SLCO3A1: variants seen among roughly 807,000 people sequenced by gnomAD.
The protein encoded by SLCO3A1 is solute carrier organic anion transporter family member 3A1, also known as PGE1 transporter.
Under a neutral mutation model 63.1 loss-of-function variants are expected in SLCO3A1, and 27 were observed. The ratio of observed to expected loss-of-function variants is 0.43; its 90% CI spans 0.32 to 0.59. The LOEUF (loss-of-function observed/expected upper bound fraction) is 0.59, where lower values mean the gene tolerates loss of function less well. SLCO3A1 is among the 20% of genes least tolerant of loss of function. The probability of loss-of-function intolerance (pLI) is 0.09; values close to 1 mark genes in which losing one functional copy is unlikely to be tolerated. For synonymous variants in SLCO3A1, 473 were observed against 409.9 expected, an observed-to-expected ratio of 1.15 and a Z score of -1.86; for missense variants, 773 against 945.8, an observed-to-expected ratio of 0.82 and a Z score of 2.40.
rs1896931807 is a variant in SLCO3A1 at position 91,856,841 on chromosome 15, A to G, written c.180+2753A>G. 6.6e-6 allele frequency among the ~76,000 whole-genome samples: 1 copy of G among 152,142 alleles called. No individual in the cohort carries two copies. The highest frequency in any genetic ancestry group is 2.1e-4 in the South Asian group (1 of 4,822). ...TGCCAACGATGTTATTTCCTATTAG[A>G]TTCCCAGAGTCCACCTTCTTATTTC... On this transcript the variant is annotated intron_variant, in intron 1 of 9. Coordinates refer to ENST00000318445, the MANE Select transcript of SLCO3A1 (RefSeq NM_013272.4). This position sits in a 1 kb window ranked among gnomAD's most constrained non-coding sequence, Gnocchi z 4.9.
chr15:92,095,890 C>G (rs746674286), intron 3 of SLCO3A1, among the ~76,000 whole-genome samples: 2 of 152,200 alleles, frequency 1.3e-5, no homozygotes, highest in Non-Finnish European at 2.9e-5. Flanking sequence ...CTTGAAACCT[C>G]TACTCAGAAA....
chr15:92,015,300 G>T (rs1251658535), intron 2 of SLCO3A1, among the ~76,000 whole-genome samples: 1 of 152,110 alleles, frequency 6.6e-6, no homozygotes. Context: ...AAGGAAAGAG[G>T]TTTAATTGAC....
intron 1 of SLCO3A1, among the ~76,000 whole-genome samples, chr15:91,908,001 G>A (rs941368553): frequency 2.0e-5 from 3 of 152,220 alleles, no homozygotes; most frequent in Non-Finnish European, 2.9e-5. Context: ...AAGCCACCAC[G>A]CACAACCCCA....
intron 2 of SLCO3A1, among the ~76,000 whole-genome samples, chr15:92,003,547 G>A (rs781610956): frequency 1.3e-5 from 2 of 152,138 alleles, no homozygotes; most frequent in Non-Finnish European, 2.9e-5. Flanking sequence ...TGAATACCTC[G>A]TTATTCCTTC....
Position 91,896,090 on chromosome 15 carries a change from C to T in SLCO3A1, c.181-19903C>T, listed in dbSNP as rs191223284. On this transcript the variant is annotated intron_variant, in intron 1 of 9. Transcript: ENST00000318445. ...CTCCTATTTGTTTCTCTTCCATTTT[C>T]GCAATTACAGCTAACTCCAGAGATA... Among the ~76,000 whole-genome samples, 85 of 152,300 alleles carry T rather than the reference C, an allele frequency of 5.6e-4. No homozygotes were observed. In the East Asian group the frequency reaches 0.011, roughly 20 times the overall value.
At chr15:91,884,042 G>A (rs116675333) in intron 1 of SLCO3A1, among the ~76,000 whole-genome samples, 357 of 152,306 alleles carry the variant, frequency 2.3e-3, no homozygotes, top group African/African-American at 8.3e-3. Context: ...AATCGTGATC[G>A]TATCTAACAC....
At chr15:92,078,975 G>T (rs2047311030) in intron 2 of SLCO3A1, among the ~76,000 whole-genome samples, 1 of 152,194 alleles carries the variant, frequency 6.6e-6, no homozygotes, top group Admixed American at 6.5e-5. Context: ...CGCCCTGTGA[G>T]AAACAGTTTA....
chr15:92,119,171 G>T lies in SLCO3A1; in HGVS notation c.1010-1294G>T, dbSNP rs541308914. 2.0e-5 allele frequency among the ~76,000 whole-genome samples: 3 copies of T among 152,232 alleles called. No individual in the cohort carries two copies. In the South Asian group the frequency reaches 6.2e-4, roughly 32 times the overall value. ...CGTCATACCATAATTTAGGAGACTT[G>T]GCTGAAGACCACATGCCAATGATTC... On this transcript the variant is annotated intron_variant, in intron 4 of 9. Coordinates refer to ENST00000318445, the MANE Select transcript of SLCO3A1 (RefSeq NM_013272.4).
chr15:92,072,202 G>T (rs3862438), intron 2 of SLCO3A1, among the ~76,000 whole-genome samples: 115,997 of 148,860 alleles, frequency 0.78, 45,152 homozygotes, highest in Admixed American at 0.88. Flanking sequence ...CTTTTTTTTG[G>T]TTTTTTTTTT....
intron 2 of SLCO3A1, among the ~76,000 whole-genome samples, chr15:92,025,166 C>CTTTT (rs11413999): frequency 3.9e-5 from 5 of 129,064 alleles, no homozygotes; most frequent in African/African-American, 1.2e-4. Flanking sequence ...TTAGGTTGTC[C>CTTTT]TTTTTTTTTT....
At position 91,894,924 on chromosome 15, in the gene SLCO3A1, G is replaced by C. The variant is rs1897966321; in HGVS notation, c.181-21069G>C. On this transcript the variant is annotated intron_variant, in intron 1 of 9. Coordinates refer to ENST00000318445, the MANE Select transcript of SLCO3A1 (RefSeq NM_013272.4). This position sits in a 1 kb window ranked among gnomAD's most constrained non-coding sequence, Gnocchi z 4.8. ...ACTCTCAAGAATCAAGGTTGAGTCT[G>C]TTGTTCCTAATCCATACCTGCATCC... Among the ~76,000 whole-genome samples the C allele has an allele frequency of 6.6e-6, 1 of 152,204 alleles. No individual in the cohort carries two copies. Among genetic ancestry groups the C allele is most frequent in the Admixed American group, 6.5e-5 (1 of 15,276 alleles).
At position 92,055,110 on chromosome 15, in the gene SLCO3A1, T is replaced by A. The variant is rs191188496; in HGVS notation, c.647-39771T>A. On this transcript the variant is annotated intron_variant, in intron 2 of 9. Coordinates refer to ENST00000318445, the MANE Select transcript of SLCO3A1 (RefSeq NM_013272.4). ...CTATTCCTGCACAGCCTTGCCAGCA[T>A]TTATTATTTCTTGACTTTTTAATAA... Among the ~76,000 whole-genome samples the A allele has an allele frequency of 1.7e-3, 264 of 152,328 alleles. 1 individual carries two copies. The highest frequency in any genetic ancestry group is 3.0e-3 in the Non-Finnish European group (207 of 68,020).
chr15:92,161,446 G>C (rs1366481345), intron 9 of SLCO3A1: 1 of 152,270 alleles, frequency 6.6e-6, no homozygotes, highest in Non-Finnish European at 1.5e-5. Context: ...ACAGGGAACG[G>C]AAGTAAGGAA....
At position 92,066,683 on chromosome 15, in the gene SLCO3A1, G is replaced by A. The variant is rs191460067; in HGVS notation, c.647-28198G>A. Among the ~76,000 whole-genome samples, 710 of 152,292 alleles carry A rather than the reference G, an allele frequency of 4.7e-3. 5 individuals carry two copies. Among genetic ancestry groups the A allele is most frequent in the Non-Finnish European group, 8.2e-3 (556 of 68,030 alleles). On this transcript the variant is annotated intron_variant, in intron 2 of 9. Transcript: ENST00000318445. ...GCCTAAGAATAGCGCCTGCCTTGTA[G>A]AATTGAGCTGAGGAGCAAATGAGAC...
At position 92,108,011 on chromosome 15, in the gene SLCO3A1, CTG is replaced by C. The variant is rs1485913686; in HGVS notation, c.1009+3472_1009+3473del. On this transcript the variant is annotated intron_variant, in intron 4 of 9. Transcript: ENST00000318445. ...AAGCTGGTGATATGGGGATTTGAGT[CTG>C]TGGTTCGATTTTCAGAACATTCCCC... Among the ~76,000 whole-genome samples the C allele has an allele frequency of 4.6e-5, 7 of 152,282 alleles. No individual in the cohort carries two copies. In the East Asian group the frequency reaches 1.4e-3, roughly 29 times the overall value.
chr15:92,000,506 A>G (rs2046240886), intron 2 of SLCO3A1, among the ~76,000 whole-genome samples: 1 of 151,454 alleles, frequency 6.6e-6, no homozygotes, highest in Non-Finnish European at 1.5e-5. Context: ...TGGTGGTTGC[A>G]TAAGGTGAAT....
intron 4 of SLCO3A1, among the ~76,000 whole-genome samples, chr15:92,120,140 G>C (rs997083893): frequency 6.6e-6 from 1 of 151,846 alleles, no homozygotes; most frequent in Admixed American, 6.6e-5. Context: ...TCTGTTAGTA[G>C]AGGATGAAAA....
rs1040603174 is a variant in SLCO3A1 at position 92,033,444 on chromosome 15, G to T, written c.647-61437G>T. On this transcript the variant is annotated intron_variant, in intron 2 of 9. Transcript: ENST00000318445. This position sits in a 1 kb window ranked among gnomAD's most constrained non-coding sequence, Gnocchi z 4.5. ...AACGATGTTCACGCTTGGGCAGCTG[G>T]ATGGACACGTCGTGGAGTGAAAACC... 6.6e-6 allele frequency among the ~76,000 whole-genome samples: 1 copy of T among 152,184 alleles called. No individual in the cohort carries two copies. The highest frequency in any genetic ancestry group is 1.5e-5 in the Non-Finnish European group (1 of 68,036).
chr15:92,047,827 C>G lies in SLCO3A1; in HGVS notation c.647-47054C>G, dbSNP rs1419751174. On this transcript the variant is annotated intron_variant, in intron 2 of 9. Transcript: ENST00000318445. ...GGGCTTGAGCCTCTTCCTGCTCAGC[C>G]TCAGGTCCTCCCACCACCAGCTGCA... 3.3e-5 allele frequency among the ~76,000 whole-genome samples: 5 copies of G among 151,002 alleles called. No homozygotes were observed. In the East Asian group the frequency reaches 9.8e-4, roughly 30 times the overall value.
Sources: gnomAD v4.1 joint callset for allele counts (sites outside exome capture counted in the v4.1 genomes callset) on GRCh38, gnomAD v4.1.1 for gene constraint, Gnocchi (gnomAD v3.1) non-coding constraint, MANE v1.5 for transcripts, NCBI Gene and HGNC (gene_info 2026-07-23, HGNC 2026-07-21) for gene names.